The following CNTN5 variants were observed in gnomAD, a reference collection of about 807,000 sequenced individuals.
CNTN5 encodes contactin-5.
CNTN5 carries 77 observed loss-of-function variants against 129.1 expected under a neutral mutation model. The observed-to-expected ratio is 0.60, with a 90% CI of 0.50 to 0.72. CNTN5 has a LOEUF of 0.72. CNTN5 is among the 30% of genes least tolerant of loss of function. CNTN5 has a pLI of 0.00. For missense variants in CNTN5, 1,478 were observed against 1,328.8 expected (o/e 1.11, Z -1.75); for synonymous variants, 509 against 465.6 (o/e 1.09, Z -1.20).
rs566214307 is a variant in CNTN5 at position 99,863,828 on chromosome 11, G to T, written c.577+18566G>T. Among the ~76,000 whole-genome samples, 44 of 152,270 alleles carry T rather than the reference G, an allele frequency of 2.9e-4. No homozygotes were observed. The South Asian group carries it at 8.9e-3, about 31-fold the overall frequency. ...GCAAGCTTTAATTGCAATTCAAATT[G>T]TATGATCTGAGCTTTCAAAAATTTG... On this transcript the variant is annotated intron_variant, in intron 6 of 24. Transcript: ENST00000524871.
chr11:99,522,184 A>G (rs1247366906), intron 2 of CNTN5, among the ~76,000 whole-genome samples: 1 of 152,140 alleles, frequency 6.6e-6, no homozygotes, highest in East Asian at 1.9e-4. Flanking sequence ...AAAAGAACAT[A>G]TAAAGTTCTT....
chr11:99,086,370 T>C (rs556251565), intron 1 of CNTN5, among the ~76,000 whole-genome samples: 1 of 152,324 alleles, frequency 6.6e-6, no homozygotes, highest in Admixed American at 6.5e-5. Context: ...AGAGGTTTAA[T>C]TGGCTTATGG....
intron 9 of CNTN5, among the ~76,000 whole-genome samples, chr11:100,015,982 G>T (rs1050916579): frequency 6.6e-6 from 1 of 152,000 alleles, no homozygotes; most frequent in African/African-American, 2.4e-5. Context: ...AATTTATTCT[G>T]ACATGTACGT....
In CNTN5 at chr11:99,197,752, G is replaced by A. The variant is rs1364196676; in HGVS notation, c.-209-127594G>A. Among the ~76,000 whole-genome samples, 4 of 151,950 alleles carry A rather than the reference G, an allele frequency of 2.6e-5. No individual in the cohort carries two copies. In the East Asian group the frequency reaches 7.7e-4, roughly 29 times the overall value. On this transcript the variant is annotated intron_variant, in intron 1 of 24. Transcript: ENST00000524871. ...CAGTGCTTAGAATGGAAAGAGCATC[G>A]GATTGAAGTTTATCCCAATTCTACC...
At chr11:99,078,059 G>A (rs922521150) in intron 1 of CNTN5, among the ~76,000 whole-genome samples, 2 of 151,992 alleles carry the variant, frequency 1.3e-5, no homozygotes, top group Non-Finnish European at 2.9e-5. Context: ...TAATATCACT[G>A]TTAAATTTCA....
At chr11:99,119,240 C>A (rs972728177) in intron 1 of CNTN5, among the ~76,000 whole-genome samples, 5 of 152,112 alleles carry the variant, frequency 3.3e-5, no homozygotes, top group Non-Finnish European at 7.4e-5. Flanking sequence ...ATTTTGTCAT[C>A]CAGGTATTAA....
At chr11:99,690,448 G>T (rs1284073356) in intron 3 of CNTN5, among the ~76,000 whole-genome samples, 3 of 151,946 alleles carry the variant, frequency 2.0e-5, no homozygotes, top group Admixed American at 1.3e-4. Flanking sequence ...GGCTATTCGG[G>T]CTCTTTCTTG....
At chr11:99,274,303 G>C (rs1863320606) in intron 1 of CNTN5, among the ~76,000 whole-genome samples, 1 of 151,566 alleles carries the variant, frequency 6.6e-6, no homozygotes, top group African/African-American at 2.4e-5. Context: ...TCTCAAACAG[G>C]CTAAATTTTT....
chr11:99,503,757 A>C (rs1946512242), intron 2 of CNTN5, among the ~76,000 whole-genome samples: 1 of 152,094 alleles, frequency 6.6e-6, no homozygotes, highest in Admixed American at 6.5e-5. Flanking sequence ...TCTATTACAT[A>C]TAATGGAATT....
At chr11:100,339,816 G>C (rs900880268) in intron 21 of CNTN5, among the ~76,000 whole-genome samples, 3 of 152,160 alleles carry the variant, frequency 2.0e-5, no homozygotes, top group Admixed American at 1.3e-4. Context: ...CTCACAAAGG[G>C]ATGGAGTTTG....
At chr11:99,373,127 T>C (rs867982051) in intron 2 of CNTN5, among the ~76,000 whole-genome samples, 5 of 152,148 alleles carry the variant, frequency 3.3e-5, no homozygotes, top group Admixed American at 6.5e-5. Flanking sequence ...GAGAACTGCT[T>C]GAACCCTGGA....
intron 13 of CNTN5, among the ~76,000 whole-genome samples, chr11:100,090,364 C>A (rs115830458): frequency 0.029 from 4,361 of 152,034 alleles, 133 homozygotes; most frequent in African/African-American, 0.072. Flanking sequence ...GCAGTGAAAC[C>A]TGATCAATTT....
chr11:100,067,793 C>T (rs1263836203), intron 10 of CNTN5, among the ~76,000 whole-genome samples: 2 of 151,028 alleles, frequency 1.3e-5, no homozygotes, highest in Non-Finnish European at 3.0e-5. Context: ...CATTTATGTT[C>T]GTATCTTCAG....
intron 14 of CNTN5, among the ~76,000 whole-genome samples, chr11:100,191,859 G>GCT (rs1948503883): frequency 6.6e-6 from 1 of 151,852 alleles, no homozygotes; most frequent in Non-Finnish European, 1.5e-5. Context: ...TTCTGTTGAG[G>GCT]CTCTATGTCA....
At chr11:99,127,931 C>T (rs1369825798) in intron 1 of CNTN5, among the ~76,000 whole-genome samples, 1 of 152,086 alleles carries the variant, frequency 6.6e-6, no homozygotes, top group Non-Finnish European at 1.5e-5. Flanking sequence ...CTTCAGGGCT[C>T]TCTACTGGGC....
chr11:100,224,024 A>G (rs1166846375), intron 15 of CNTN5, among the ~76,000 whole-genome samples: 2 of 152,100 alleles, frequency 1.3e-5, no homozygotes, highest in Admixed American at 6.6e-5. Context: ...TTTTTCTTCA[A>G]CTGTGTTCTA....
intron 3 of CNTN5, among the ~76,000 whole-genome samples, chr11:99,586,341 G>A (rs955025036): frequency 3.3e-5 from 5 of 151,892 alleles, no homozygotes; most frequent in East Asian, 1.9e-4. Context: ...GCATAATAAC[G>A]GACATAACTC....
chr11:99,576,582 G>C (rs1031756712), intron 3 of CNTN5, among the ~76,000 whole-genome samples: 2 of 152,152 alleles, frequency 1.3e-5, no homozygotes, highest in African/African-American at 4.8e-5. Flanking sequence ...TTAATTCATA[G>C]AGGTAACAGA....
At chr11:99,343,180 C>T (rs1866601565) in intron 2 of CNTN5, among the ~76,000 whole-genome samples, 1 of 152,052 alleles carries the variant, frequency 6.6e-6, no homozygotes. Context: ...TCTTTATCAC[C>T]TGGGAAATGA....
Sources: allele counts gnomAD v4.1 joint callset (sites outside exome capture counted in the v4.1 genomes callset), GRCh38; gene constraint gnomAD v4.1.1; transcripts MANE v1.5; gene names NCBI Gene and HGNC (gene_info 2026-07-23, HGNC 2026-07-21).